The following RBM42 variants were observed in gnomAD, a reference collection of about 807,000 sequenced individuals.
RBM42 encodes the protein RNA binding motif protein 42.
A neutral mutation model predicts 41.4 loss-of-function variants in RBM42; 21 were observed. The observed-to-expected ratio is 0.51, with a 90% confidence interval of 0.36 to 0.73. RBM42 has a LOEUF of 0.73. Ranked by LOEUF, RBM42 falls within the 30% of genes least tolerant of loss-of-function variation. The pLI is 0.00. For synonymous variants in RBM42, 272 were observed against 271.2 expected (o/e 1.00, Z -0.03); for missense variants, 539 against 680.4 (o/e 0.79, Z 2.31).
At position 35,637,121 on chromosome 19, in the gene RBM42, T is replaced by A. The variant is rs370154383; in HGVS notation, c.1136-37T>A. The A allele has an allele frequency of 2.4e-5, 37 of 1,570,316 alleles. No individual in the cohort carries two copies. Among genetic ancestry groups the A allele is most frequent in the Non-Finnish European group, 3.0e-5 (35 of 1,154,596 alleles). On this transcript the variant is annotated intron_variant, in intron 8 of 9. Coordinates refer to ENST00000262633, the MANE Select transcript of RBM42 (RefSeq NM_024321.5). This position sits in a 1 kb window ranked among gnomAD's most constrained non-coding sequence, Gnocchi z 7.0. Reference sequence around the variant, plus strand: ...GACAAGGTAGACACTGGGCAAGGCCTCTGCATCCTCTGATGTCATCTCTTC... The same window carrying A: ...GACAAGGTAGACACTGGGCAAGGCCACTGCATCCTCTGATGTCATCTCTTC...
In RBM42 at chr19:35,633,105, C is replaced by T. The variant is rs776396407; in HGVS notation, c.537C>T (p.Gly179=). The change falls in exon 6 of 10, where the codon GGC becomes GGT. Residue 179 remains glycine, a synonymous_variant. Coordinates refer to ENST00000262633, the MANE Select transcript of RBM42 (RefSeq NM_024321.5). The stretch of plus-strand genomic sequence containing the variant: ...CCGCTCTCTCCTCTGCAGCAGCCGG[C>T]CCCCGCCCTATGGCCCTACGGCCCC... The part of the protein sequence containing the change: ...ADSALSSAAA[G]PRPMALRPPH... 6 of 1,611,992 alleles carry T rather than the reference C, an allele frequency of 3.7e-6. No homozygotes were observed. The highest frequency in any genetic ancestry group is 5.1e-6 in the Non-Finnish European group (6 of 1,178,234).
chr19:35,633,662 C>A (rs1238380877), intron 6 of RBM42, 25 bp from the exon 7 acceptor site: 4 of 1,413,342 alleles, frequency 2.8e-6, no homozygotes, highest in Non-Finnish European at 3.7e-6. Context: ...AGCCGGCCCC[C>A]CTCATGCTCT....
chr19:35,635,146 G>A (rs533974341), intron 8 of RBM42, among the ~76,000 whole-genome samples: 4 of 150,966 alleles, frequency 2.6e-5, no homozygotes, highest in Non-Finnish European at 5.9e-5. Flanking sequence ...GAAATCCCGT[G>A]TCTCTAAAAA....
At chr19:35,633,601 G>T in intron 6 of RBM42, 86 bp from the exon 7 acceptor site, 4 of 1,306,418 alleles carry the variant, frequency 3.1e-6, no homozygotes, top group Non-Finnish European at 3.0e-6. Context: ...TGGCCCCCAG[G>T]CCCTTTCTTT....
In RBM42 at chr19:35,631,181, A is replaced by G; in HGVS notation, c.324A>G (p.Thr108=). ...TLEARAAAAA[T]VVPPMVGGPP... The stretch of plus-strand genomic sequence containing the variant: ...AGGCCCGAGCAGCTGCTGCAGCCAC[A>G]GTAGTTCCTCCCATGGTGGGTGGCC... The change falls in exon 3 of 10, where the codon ACA becomes ACG. Residue 108 remains threonine (T), a synonymous_variant. Transcript: ENST00000262633. The G allele has an allele frequency of 1.9e-6, 3 of 1,614,204 alleles. No individual in the cohort carries two copies. The highest frequency in any genetic ancestry group is 2.2e-5 in the South Asian group (2 of 91,088).
chr19:35,630,168 G>A (rs1967381904), intron 2 of RBM42, among the ~76,000 whole-genome samples: 1 of 152,132 alleles, frequency 6.6e-6, no homozygotes, highest in South Asian at 2.1e-4. Flanking sequence ...ACAAAAATTA[G>A]CTGGGTGTGG....
At position 35,637,582 on chromosome 19, in the gene RBM42, C is replaced by T. The variant is rs762339720; in HGVS notation, c.*28C>T. 1 of 1,582,034 alleles carries T rather than the reference C, an allele frequency of 6.3e-7. No homozygotes were observed. Among genetic ancestry groups the T allele is most frequent in the Admixed American group, 1.7e-5 (1 of 58,388 alleles). On this transcript the variant is annotated 3_prime_UTR_variant, in exon 10 of 10. Transcript: ENST00000262633. The surrounding 1 kb of genome is among the most constrained non-coding windows in gnomAD (Gnocchi z 7.0). The stretch of plus-strand genomic sequence containing the variant: ...TCTGTGGCCAGGCACCCGCTCCCAC[C>T]TGGCCGGGCGCTGGCTCCTCCCTCA...
chr19:35,631,158 G>A lies in RBM42; in HGVS notation c.301G>A (p.Ala101Thr). The A allele has an allele frequency of 1.2e-6, 2 of 1,614,154 alleles. No individual in the cohort carries two copies. Among genetic ancestry groups the A allele is most frequent in the Non-Finnish European group, 1.7e-6 (2 of 1,180,032 alleles). ...TYQQVQQTLE[A>T]RAAAAATVVP... ...TCGACAGGTCCAGCAGACTCTGGAG[G>A]CCCGAGCAGCTGCTGCAGCCACAGT... The change falls in exon 3 of 10, where the codon GCC becomes ACC. Residue 101 changes from alanine (A) to threonine (T), a missense_variant. Ala to Thr is a moderately conservative substitution (Grantham distance 58, BLOSUM62 0). Around this residue, in one of 2 missense-constraint regions of RBM42, gnomAD observed 429 missense variants for 488.9 expected, o/e 0.88. Transcript: ENST00000262633.
intron 7 of RBM42, 45 bp from the exon 8 acceptor site, chr19:35,634,211 G>T (rs1223689421): frequency 1.3e-6 from 2 of 1,595,378 alleles, no homozygotes; most frequent in Non-Finnish European, 1.7e-6. Context: ...GACAGTGGGA[G>T]ACCCCAATAC....
chr19:35,635,284 C>G (rs1469586025), intron 8 of RBM42, among the ~76,000 whole-genome samples: 1 of 144,664 alleles, frequency 6.9e-6, no homozygotes, highest in African/African-American at 2.6e-5. Flanking sequence ...CCACTGCACT[C>G]TAGCCTGGCA....
In RBM42 at chr19:35,637,607, A is replaced by G; in HGVS notation, c.*53A>G. ...CTGGCCGGGCGCTGGCTCCTCCCTC[A>G]GTTCTCTTTGGAAAACCCCCAGCTG... On this transcript the variant is annotated 3_prime_UTR_variant, in exon 10 of 10. Transcript: ENST00000262633. This position sits in a 1 kb window ranked among gnomAD's most constrained non-coding sequence, Gnocchi z 7.0. The G allele has an allele frequency of 2.1e-6, 3 of 1,427,006 alleles. No individual in the cohort carries two copies. In the South Asian group the frequency reaches 3.5e-5, roughly 17 times the overall value. 88.4% of individuals were successfully genotyped at this position (1,427,006 alleles called of 1,614,324 possible).
At chr19:35,635,500 T>TTCAA (rs1675267020) in intron 8 of RBM42, among the ~76,000 whole-genome samples, 1 of 150,630 alleles carries the variant, frequency 6.6e-6, no homozygotes, top group Non-Finnish European at 1.5e-5. Flanking sequence ...TTTTATGTCC[T>TTCAA]TCAATTATAT....
chr19:35,636,336 G>T (rs902940660), intron 8 of RBM42, among the ~76,000 whole-genome samples: 1 of 151,648 alleles, frequency 6.6e-6, no homozygotes, highest in Non-Finnish European at 1.5e-5. Context: ...TTTTTGTATT[G>T]TTTAGTAGAG....
intron 2 of RBM42, 152 bp downstream of exon 2, chr19:35,629,825 G>T (rs1357508749): frequency 1.3e-6 from 1 of 799,700 alleles, no homozygotes; most frequent in African/African-American, 1.7e-5. Context: ...AGTAATGACT[G>T]AGAGAGACAT....
Position 35,637,260 on chromosome 19 carries a change from TC to T in RBM42, c.1240del (p.Arg414ValfsTer29). ...RFPSFLKAKV[I>X]RDKRTGKTKG... is the part of the protein sequence containing the mutation. Reference sequence around the variant, plus strand: ...CCATCCTTCCTTAAGGCCAAGGTGATCCGTGACAAGCGCACAGGCAAGACCA... The same window carrying T: ...CCATCCTTCCTTAAGGCCAAGGTGATCGTGACAAGCGCACAGGCAAGACCA... On this transcript the variant is annotated frameshift_variant, in exon 9 of 10. Transcript: ENST00000262633. LOFTEE classifies it high-confidence loss of function. The surrounding 1 kb of genome is among the most constrained non-coding windows in gnomAD (Gnocchi z 7.0). The T allele has an allele frequency of 6.2e-7, 1 of 1,614,182 alleles. No homozygotes were observed. The highest frequency in any genetic ancestry group is 8.5e-7 in the Non-Finnish European group (1 of 1,180,030).
At position 35,637,568 on chromosome 19, in the gene RBM42, G is replaced by T; in HGVS notation, c.*14G>T. ...GGCCTGAGATAGGGTCTGTGGCCAG[G>T]CACCCGCTCCCACCTGGCCGGGCGC... is the stretch of plus-strand genomic sequence containing the variant. On this transcript the variant is annotated 3_prime_UTR_variant, in exon 10 of 10. Coordinates refer to ENST00000262633, the MANE Select transcript of RBM42 (RefSeq NM_024321.5). The surrounding 1 kb of genome is among the most constrained non-coding windows in gnomAD (Gnocchi z 7.0). 1.2e-6 allele frequency: 2 copies of T among 1,607,958 alleles called. No homozygotes were observed. The highest frequency in any genetic ancestry group is 1.7e-6 in the Non-Finnish European group (2 of 1,175,124).
rs1315976621 is a variant in RBM42 at position 35,637,111 on chromosome 19, G to A, written c.1136-47G>A. The A allele has an allele frequency of 6.5e-7, 1 of 1,540,124 alleles. No individual in the cohort carries two copies. Among genetic ancestry groups the A allele is most frequent in the African/African-American group, 1.4e-5 (1 of 73,374 alleles). On this transcript the variant is annotated intron_variant, in intron 8 of 9. Coordinates refer to ENST00000262633, the MANE Select transcript of RBM42 (RefSeq NM_024321.5). The surrounding 1 kb of genome is among the most constrained non-coding windows in gnomAD (Gnocchi z 7.0). ...GGATCGTTCAGACAAGGTAGACACT[G>A]GGCAAGGCCTCTGCATCCTCTGATG...
chr19:35,635,517 T>G, intron 8 of RBM42, among the ~76,000 whole-genome samples: 1 of 114,988 alleles, frequency 8.7e-6, no homozygotes, highest in Non-Finnish European at 1.6e-5. Context: ...ATATCTTTTT[T>G]TTTTTCTTTT....
rs73599249 is a variant in RBM42, at chr19:35,631,516, T to G, written c.442+111T>G. The G allele has an allele frequency of 2.3e-3, 2,299 of 1,006,400 alleles. 43 individuals are homozygous for G. The African/African-American group carries it at 0.034, about 15-fold the overall frequency. The allele number at this position is 1,006,400 out of a possible 1,614,324, so 62.3% of individuals were successfully genotyped here. The stretch of plus-strand genomic sequence containing the variant: ...ATTACCCTTTGCCTTTGATCCCAAC[T>G]TGATGTTGTCATCCTAAAGCACGAA... On this transcript the variant is annotated intron_variant, in intron 4 of 9. Coordinates refer to ENST00000262633, the MANE Select transcript of RBM42 (RefSeq NM_024321.5).
Sources: allele counts gnomAD v4.1 joint callset (sites outside exome capture counted in the v4.1 genomes callset), GRCh38; gene constraint gnomAD v4.1.1; regional missense constraint gnomAD v4.1.1; non-coding constraint Gnocchi (gnomAD v3.1); transcripts MANE v1.5; gene names NCBI Gene and HGNC (gene_info 2026-07-23, HGNC 2026-07-21).